HSD17B11: variants seen among roughly 807,000 people sequenced by gnomAD.
The protein encoded by HSD17B11 is hydroxysteroid 17-beta dehydrogenase 11.
In HSD17B11, 22 loss-of-function variants were observed where a neutral mutation model predicts 27.8. That is an observed-to-expected ratio of 0.79 (90% CI 0.56 to 1.13). The LOEUF is 1.13. Among genes scored for constraint, HSD17B11 ranks in the 50% most tolerant of loss-of-function variants. The pLI is 0.00. For missense variants in HSD17B11, 314 were observed against 351.1 expected, an observed-to-expected ratio of 0.89 and a Z score of 0.84; for synonymous variants, 117 against 132.8, an observed-to-expected ratio of 0.88 and a Z score of 0.82.
At chr4:87,371,051 C>CTAGA (rs74520354) in intron 4 of HSD17B11, among the ~76,000 whole-genome samples, 29,732 of 144,432 alleles carry the variant, frequency 0.21, 4,198 homozygotes, top group African/African-American at 0.38. Flanking sequence ...CGCGCCCGGC[C>CTAGA]TATTATTATT....
chr4:87,358,785 T>A lies in HSD17B11; in HGVS notation c.558-1369A>T, dbSNP rs576595487. ...AAGACAGAAAGCTGTGGAAATTTTT[T>A]AAAAAATTTTAAAAAAAATTTCTTA... On this transcript the variant is annotated intron_variant, in intron 4 of 6. Transcript: ENST00000358290. Among the ~76,000 whole-genome samples the A allele has an allele frequency of 6.7e-3, 926 of 139,192 alleles. 6 individuals are homozygous for A. Among genetic ancestry groups the A allele is most frequent in the Admixed American group, 0.01 (144 of 13,862 alleles). 91.3% of individuals were successfully genotyped at this position (139,192 alleles called of 152,430 possible).
rs374144470 is a variant in HSD17B11 at position 87,391,077 on chromosome 4, T to G, written c.-7A>C. ...TGTCCAGAAGAAATTTCATCCCTTTTGTGGCTGCGAGCGTTTGGTGTGTTT... is the reference window on the plus strand; with the variant it reads ...TGTCCAGAAGAAATTTCATCCCTTTGGTGGCTGCGAGCGTTTGGTGTGTTT... On this transcript the variant is annotated 5_prime_UTR_variant, in exon 1 of 7. Coordinates refer to ENST00000358290, the MANE Select transcript of HSD17B11 (RefSeq NM_016245.5). 6.2e-7 allele frequency: 1 copy of G among 1,602,000 alleles called. No individual in the cohort carries two copies. The highest frequency in any genetic ancestry group is 8.5e-7 in the Non-Finnish European group (1 of 1,175,498).
intron 2 of HSD17B11, among the ~76,000 whole-genome samples, chr4:87,380,189 C>T (rs181028096): frequency 7.4e-5 from 11 of 149,644 alleles, no homozygotes; most frequent in Admixed American, 7.3e-4. Context: ...ATCTGATTCT[C>T]AGCTTGCTTT....
At chr4:87,359,368 T>C (rs924400745) in intron 4 of HSD17B11, among the ~76,000 whole-genome samples, 16 of 152,342 alleles carry the variant, frequency 1.1e-4, no homozygotes, top group African/African-American at 3.8e-4. Context: ...TTCTGATGCA[T>C]TTTGGAGTTT....
chr4:87,346,636 C>G (rs759076490), intron 5 of HSD17B11, among the ~76,000 whole-genome samples: 1 of 152,062 alleles, frequency 6.6e-6, no homozygotes, highest in Non-Finnish European at 1.5e-5. Flanking sequence ...GGCGACAGAG[C>G]GAGACCCTGT....
chr4:87,338,227 C>T (rs1025183328), intron 6 of HSD17B11, among the ~76,000 whole-genome samples: 2 of 151,952 alleles, frequency 1.3e-5, no homozygotes, highest in African/African-American at 4.8e-5. Context: ...CCACAGCACC[C>T]CCCCAAAAAA....
intron 1 of HSD17B11, chr4:87,386,880 T>G (rs1368264029): frequency 3.3e-5 from 5 of 152,168 alleles, no homozygotes; most frequent in Non-Finnish European, 4.4e-5. Context: ...AAACTAGTAT[T>G]TTAGGAAAAA....
intron 5 of HSD17B11, among the ~76,000 whole-genome samples, chr4:87,341,632 G>C (rs938213249): frequency 1.3e-5 from 2 of 151,850 alleles, no homozygotes; most frequent in East Asian, 3.9e-4. Flanking sequence ...AGGCTGAGGC[G>C]GGTGGAGCGC....
At chr4:87,363,214 C>A (rs1560763412) in intron 4 of HSD17B11, among the ~76,000 whole-genome samples, 1 of 152,052 alleles carries the variant, frequency 6.6e-6, no homozygotes, top group South Asian at 2.1e-4. Flanking sequence ...GAAAAGGAAC[C>A]CAGAAGCCTG....
At chr4:87,359,530 T>G (rs1462488120) in intron 4 of HSD17B11, among the ~76,000 whole-genome samples, 1 of 152,172 alleles carries the variant, frequency 6.6e-6, no homozygotes, top group Non-Finnish European at 1.5e-5. Flanking sequence ...CTTGAATAAT[T>G]ATTTTACTTT....
chr4:87,353,190 C>G (rs866404361), intron 5 of HSD17B11, among the ~76,000 whole-genome samples: 1 of 149,942 alleles, frequency 6.7e-6, no homozygotes, highest in East Asian at 1.9e-4. Flanking sequence ...TAAGCATCCT[C>G]GGGCACACAT....
chr4:87,355,911 A>C (rs905035442), intron 5 of HSD17B11, among the ~76,000 whole-genome samples: 1 of 151,814 alleles, frequency 6.6e-6, no homozygotes, highest in African/African-American at 2.4e-5. Flanking sequence ...CTCAAAAAAA[A>C]CAAAAAACAA....
chr4:87,345,630 C>G (rs955485330), intron 5 of HSD17B11, among the ~76,000 whole-genome samples: 1 of 152,110 alleles, frequency 6.6e-6, no homozygotes, highest in Non-Finnish European at 1.5e-5. Context: ...CAGGGACATT[C>G]CTGCTGACCT....
At chr4:87,361,483 T>C (rs1479033209) in intron 4 of HSD17B11, among the ~76,000 whole-genome samples, 1 of 152,090 alleles carries the variant, frequency 6.6e-6, no homozygotes, top group African/African-American at 2.4e-5. Context: ...TAAACTTGCT[T>C]TCGGCCGGGC....
intron 5 of HSD17B11, among the ~76,000 whole-genome samples, chr4:87,344,227 A>C (rs1362176706): frequency 1.3e-5 from 2 of 152,202 alleles, no homozygotes; most frequent in Non-Finnish European, 2.9e-5. Flanking sequence ...TGACACACAC[A>C]TACAAACTCC....
intron 1 of HSD17B11, among the ~76,000 whole-genome samples, chr4:87,388,798 T>C (rs757506276): frequency 1.3e-5 from 2 of 152,230 alleles, no homozygotes; most frequent in Non-Finnish European, 2.9e-5. Flanking sequence ...TAAATATTTG[T>C]TGGATAAATG....
At chr4:87,380,465 T>C (rs1341626474) in intron 2 of HSD17B11, among the ~76,000 whole-genome samples, 1 of 87,716 alleles carries the variant, frequency 1.1e-5, no homozygotes, top group Non-Finnish European at 2.2e-5. Context: ...AGAGCAAGAC[T>C]GTCTCAAAAA....
intron 4 of HSD17B11, among the ~76,000 whole-genome samples, chr4:87,358,333 G>C (rs776478689): frequency 7.4e-4 from 112 of 152,096 alleles, no homozygotes; most frequent in Non-Finnish European, 1.3e-3. Context: ...GGTCACCAGT[G>C]AATCTCCAGG....
rs58276602 is a variant in HSD17B11, at chr4:87,378,797, T to TTA, written c.318+3456_318+3457dup. ...GTTTTGCGTGTATATATATATGATT[T>TTA]TATATATATATATAAATATAAAATA... On this transcript the variant is annotated intron_variant, in intron 2 of 6. Coordinates refer to ENST00000358290, the MANE Select transcript of HSD17B11 (RefSeq NM_016245.5). Among the ~76,000 whole-genome samples, 7 of 65,860 alleles carry TTA rather than the reference T, an allele frequency of 1.1e-4. 1 individual carries two copies. Among genetic ancestry groups the TTA allele is most frequent in the Non-Finnish European group, 2.2e-4 (7 of 31,198 alleles). 43.2% of individuals were successfully genotyped at this position (65,860 alleles called of 152,430 possible). A position where few individuals can be genotyped will look rare whatever the true frequency, so the allele number is the denominator to read the frequency against.
Sources: allele counts gnomAD v4.1 joint callset (sites outside exome capture counted in the v4.1 genomes callset), GRCh38; gene constraint gnomAD v4.1.1; transcripts MANE v1.5; gene names NCBI Gene and HGNC (gene_info 2026-07-23, HGNC 2026-07-21).